NRG2: variants seen among roughly 807,000 people sequenced by gnomAD.
NRG2 encodes pro-neuregulin-2, membrane-bound isoform.
In NRG2, 27 loss-of-function variants were observed where a neutral mutation model predicts 73.9. That is an observed-to-expected ratio of 0.37 (90% confidence interval 0.27 to 0.50). The LOEUF (loss-of-function observed/expected upper bound fraction) is 0.50, where lower values mean the gene tolerates loss of function less well. Among genes scored for constraint, NRG2 ranks in the 20% least tolerant of loss-of-function variants. NRG2 has a pLI of 0.96. For synonymous variants in NRG2, 532 were observed against 541.0 expected, an observed-to-expected ratio of 0.98 and a Z score of 0.23; for missense variants, 1,126 against 1,210.1, an observed-to-expected ratio of 0.93 and a Z score of 1.03.
At chr5:139,864,222 G>A (rs1450396328) in intron 5 of NRG2, among the ~76,000 whole-genome samples, 1 of 152,128 alleles carries the variant, frequency 6.6e-6, no homozygotes, top group Non-Finnish European at 1.5e-5. Context: ...TGGTCCTCAA[G>A]CAGAATCAAT....
intron 1 of NRG2, among the ~76,000 whole-genome samples, chr5:140,014,349 G>A (rs910995278): frequency 6.6e-6 from 1 of 151,986 alleles, no homozygotes; most frequent in Non-Finnish European, 1.5e-5. Context: ...CATTTCTCGT[G>A]CCTCAGTCTC....
At chr5:139,979,235 T>A (rs867636789) in intron 1 of NRG2, among the ~76,000 whole-genome samples, 12 of 150,950 alleles carry the variant, frequency 7.9e-5, no homozygotes, top group Admixed American at 2.6e-4. Flanking sequence ...AAGTATAATT[T>A]AAAAAAAAAG....
intron 1 of NRG2, among the ~76,000 whole-genome samples, chr5:139,955,743 A>G (rs922579785): frequency 1.3e-5 from 2 of 152,206 alleles, no homozygotes; most frequent in African/African-American, 2.4e-5. Flanking sequence ...TGCACAGAGC[A>G]GGACTTCCAT....
chr5:139,867,793 TGTGTATGA>T (rs762956022), intron 4 of NRG2, among the ~76,000 whole-genome samples: 3,375 of 132,060 alleles, frequency 0.026, 93 homozygotes, highest in African/African-American at 0.086. Flanking sequence ...TGTGTGTGTG[TGTGTATGA>T]GTGTGTGTGT....
intron 1 of NRG2, among the ~76,000 whole-genome samples, chr5:139,927,741 G>A (rs1388608363): frequency 6.7e-6 from 1 of 148,314 alleles, no homozygotes. Context: ...TCCAGCCTGG[G>A]CGACAAGAGT....
chr5:140,005,809 T>G (rs1306873717), intron 1 of NRG2, among the ~76,000 whole-genome samples: 2 of 152,138 alleles, frequency 1.3e-5, no homozygotes, highest in Non-Finnish European at 2.9e-5. Context: ...CTAGAATGCA[T>G]CCTGGAGCTT....
chr5:140,005,337 G>A lies in NRG2; in HGVS notation c.700+37033C>T, dbSNP rs193153969. 4.7e-3 allele frequency among the ~76,000 whole-genome samples: 720 copies of A among 152,302 alleles called. 57 individuals are homozygous for A. In the South Asian group the frequency reaches 0.13, roughly 27 times the overall value. ...TCCACTGCCAGAGAAAGGTGGTCAC[G>A]GACTAGAAGCTGGTGCTTCCCCATA... On this transcript the variant is annotated intron_variant, in intron 1 of 9. Coordinates refer to ENST00000361474, the MANE Select transcript of NRG2 (RefSeq NM_004883.3).
At chr5:139,977,046 G>C (rs143437652) in intron 1 of NRG2, among the ~76,000 whole-genome samples, 6 of 152,162 alleles carry the variant, frequency 3.9e-5, no homozygotes, top group Admixed American at 3.9e-4. Context: ...GGATCGCCCA[G>C]TGCCTGCCTC....
chr5:139,901,663 G>A (rs1045633066), intron 1 of NRG2, among the ~76,000 whole-genome samples: 2 of 152,240 alleles, frequency 1.3e-5, no homozygotes, highest in African/African-American at 4.8e-5. Flanking sequence ...CCCTCAGCTA[G>A]TGATGCTAAT....
intron 1 of NRG2, among the ~76,000 whole-genome samples, chr5:139,927,361 C>A (rs530589829): frequency 2.9e-4 from 44 of 152,174 alleles, no homozygotes; most frequent in African/African-American, 1.1e-3. Flanking sequence ...GCATTTGAAA[C>A]CCTCATTGCA....
At chr5:139,859,745 AT>A in intron 5 of NRG2, 1 of 794,560 alleles carries the variant, frequency 1.3e-6, no homozygotes, top group African/African-American at 1.7e-5. Context: ...ATGATAGGAC[AT>A]CTCGATGGGG....
Position 139,868,678 on chromosome 5 carries a change from G to T in NRG2, c.1112+3043C>A, listed in dbSNP as rs1478257397. ...CTCCCGGGCCTCAGTTTCTCCTTTT[G>T]GTAGCCTGGGGATAATGCCATGTGT... On this transcript the variant is annotated intron_variant, in intron 4 of 9. Coordinates refer to ENST00000361474, the MANE Select transcript of NRG2 (RefSeq NM_004883.3). This position sits in a 1 kb window ranked among gnomAD's most constrained non-coding sequence, Gnocchi z 4.2. Among the ~76,000 whole-genome samples the T allele has an allele frequency of 6.6e-6, 1 of 152,070 alleles. No individual in the cohort carries two copies. The highest frequency in any genetic ancestry group is 1.9e-4 in the East Asian group (1 of 5,184).
At chr5:140,032,324 T>A (rs1472611748) in intron 1 of NRG2, among the ~76,000 whole-genome samples, 1 of 151,726 alleles carries the variant, frequency 6.6e-6, no homozygotes, top group African/African-American at 2.4e-5. Flanking sequence ...AATATTGACA[T>A]ACATGAGGAA....
chr5:140,023,285 T>C (rs1038121936), intron 1 of NRG2, among the ~76,000 whole-genome samples: 1 of 152,098 alleles, frequency 6.6e-6, no homozygotes, highest in African/African-American at 2.4e-5. Context: ...ACCCCAACCA[T>C]GCTAATCTCC....
chr5:139,931,204 A>G (rs979101187), intron 1 of NRG2, among the ~76,000 whole-genome samples: 3 of 152,256 alleles, frequency 2.0e-5, no homozygotes, highest in Non-Finnish European at 4.4e-5. Flanking sequence ...TACAGAGGGA[A>G]CTCAATGTAC....
intron 2 of NRG2, among the ~76,000 whole-genome samples, chr5:139,885,433 G>T (rs1581861033): frequency 1.3e-5 from 2 of 152,192 alleles, no homozygotes; most frequent in African/African-American, 4.8e-5. Context: ...GCCATCGAGA[G>T]GTTGGGATGT....
At chr5:139,901,251 T>C (rs1764872832) in intron 1 of NRG2, among the ~76,000 whole-genome samples, 2 of 152,344 alleles carry the variant, frequency 1.3e-5, no homozygotes, top group Middle Eastern at 3.4e-3. Flanking sequence ...TAAATTGCTT[T>C]GAGCTCTCAG....
chr5:139,971,835 C>A lies in NRG2; in HGVS notation c.700+70535G>T, dbSNP rs147224670. On this transcript the variant is annotated intron_variant, in intron 1 of 9. Transcript: ENST00000361474. ...TTTACAACATATCTCCCCAAGGTAACCTCTACATTTAACAGCATTCCAAAC... is the reference window on the plus strand; with the variant it reads ...TTTACAACATATCTCCCCAAGGTAAACTCTACATTTAACAGCATTCCAAAC... Among the ~76,000 whole-genome samples, 109 of 152,212 alleles carry A rather than the reference C, an allele frequency of 7.2e-4. No homozygotes were observed. In the East Asian group the frequency reaches 0.019, roughly 27 times the overall value.
In NRG2 at chr5:139,851,742, C is replaced by T; in HGVS notation, c.1634G>A (p.Ser545Asn). The T allele has an allele frequency of 1.2e-6, 2 of 1,614,258 alleles. No individual in the cohort carries two copies. The highest frequency in any genetic ancestry group is 1.7e-6 in the Non-Finnish European group (2 of 1,180,046). Residue 545 changes from serine to asparagine, a missense_variant, in exon 9 of 10, where the codon AGC (serine) becomes AAC (asparagine). Around this residue, in one of 3 missense-constraint regions of NRG2, gnomAD observed 539 missense variants for 703.2 expected, o/e 0.77. Transcript: ENST00000361474. The surrounding 1 kb of genome is among the most constrained non-coding windows in gnomAD (Gnocchi z 4.2). ...CACACATGCTGGGCTGTTGCATTTG[C>T]TGGTACCCACTGATGATAGCATGAT... The part of the protein sequence containing the change: ...SGIMLSSVGT[S>N]KCNSPACVEA...
Sources: gnomAD v4.1 joint callset for allele counts (sites outside exome capture counted in the v4.1 genomes callset) on GRCh38, gnomAD v4.1.1 for gene constraint, gnomAD v4.1.1 regional missense constraint, Gnocchi (gnomAD v3.1) non-coding constraint, MANE v1.5 for transcripts, NCBI Gene and HGNC (gene_info 2026-07-23, HGNC 2026-07-21) for gene names.